PTPRE: variants seen among roughly 807,000 people sequenced by gnomAD.
PTPRE encodes the protein protein tyrosine phosphatase receptor type E.
PTPRE carries 51 observed loss-of-function variants against 102.0 expected under a neutral mutation model. The ratio of observed to expected loss-of-function variants is 0.50; its 90% CI spans 0.40 to 0.63. PTPRE has a LOEUF of 0.63. Among genes scored for constraint, PTPRE ranks in the 30% least tolerant of loss-of-function variants. The pLI is 0.00. For synonymous variants in PTPRE, 345 were observed against 348.2 expected, an observed-to-expected ratio of 0.99 and a Z score of 0.10; for missense variants, 752 against 915.1, an observed-to-expected ratio of 0.82 and a Z score of 2.30.
At chr10:127,960,820 A>G (rs771418932) in intron 1 of PTPRE, among the ~76,000 whole-genome samples, 18 of 152,068 alleles carry the variant, frequency 1.2e-4, no homozygotes, top group African/African-American at 2.4e-4. Context: ...TCAGGAGATC[A>G]AGACCATCCT....
intron 2 of PTPRE, among the ~76,000 whole-genome samples, chr10:128,034,790 G>T (rs1564907832): frequency 6.6e-6 from 1 of 152,124 alleles, no homozygotes; most frequent in Non-Finnish European, 1.5e-5. Context: ...CTAAAAAAAT[G>T]CAGGCAATTT....
At chr10:128,054,779 C>G (rs1848817123) in intron 6 of PTPRE, among the ~76,000 whole-genome samples, 1 of 152,088 alleles carries the variant, frequency 6.6e-6, no homozygotes. Context: ...CTGTGGGTGG[C>G]AGGTCAGGCT....
At chr10:128,032,413 T>C (rs1846839455) in intron 2 of PTPRE, among the ~76,000 whole-genome samples, 1 of 152,248 alleles carries the variant, frequency 6.6e-6, no homozygotes, top group African/African-American at 2.4e-5. Context: ...TCTGCTGTGC[T>C]CTCCTCATAG....
rs963643847 is a variant in PTPRE at position 128,069,615 on chromosome 10, G to A, written c.1008-77G>A. On this transcript the variant is annotated intron_variant, in intron 12 of 20. Coordinates refer to ENST00000254667, the MANE Select transcript of PTPRE (RefSeq NM_006504.6). ...AAGTTGCATCCAGTGACCTGGGTGC[G>A]CAGGCCCCTTCGGGGCCTTTCATTT... is the stretch of plus-strand genomic sequence containing the variant. The A allele has an allele frequency of 5.1e-5, 79 of 1,557,102 alleles. No homozygotes were observed. The African/African-American group carries it at 6.9e-4, about 14-fold the overall frequency.
At chr10:127,961,593 C>G (rs531842871) in intron 1 of PTPRE, among the ~76,000 whole-genome samples, 1 of 152,266 alleles carries the variant, frequency 6.6e-6, no homozygotes, top group South Asian at 2.1e-4. Context: ...AGGGTGGGCC[C>G]CGCCTTAGAC....
In PTPRE at chr10:128,083,477, AAC is replaced by A. The variant is rs2136102122; in HGVS notation, c.*576_*577del. The A allele has an allele frequency of 6.6e-6, 1 of 152,506 alleles. No homozygotes were observed. The highest frequency in any genetic ancestry group is 2.1e-4 in the South Asian group (1 of 4,836). The allele number at this position is 152,506 out of a possible 1,614,324, so 9.4% of individuals were successfully genotyped here. The stretch of plus-strand genomic sequence containing the variant: ...CTTTACAACCTGAATCCAGGTCTAA[AAC>A]ACACTAGAGTAGCTGGTGACTATAA... On this transcript the variant is annotated 3_prime_UTR_variant, in exon 21 of 21. Coordinates refer to ENST00000254667, the MANE Select transcript of PTPRE (RefSeq NM_006504.6).
intron 1 of PTPRE, among the ~76,000 whole-genome samples, chr10:127,979,384 G>A (rs1192960223): frequency 6.6e-6 from 1 of 152,220 alleles, no homozygotes; most frequent in Non-Finnish European, 1.5e-5. Flanking sequence ...CCTAATGGAA[G>A]TCTTCACTTG....
At chr10:127,976,167 G>A (rs1015225593) in intron 1 of PTPRE, among the ~76,000 whole-genome samples, 1 of 152,184 alleles carries the variant, frequency 6.6e-6, no homozygotes, top group African/African-American at 2.4e-5. Flanking sequence ...GACAGTGACT[G>A]TCAGTATCTG....
intron 1 of PTPRE, among the ~76,000 whole-genome samples, chr10:127,946,462 G>A (rs1848628994): frequency 8.4e-6 from 1 of 118,788 alleles, no homozygotes; most frequent in South Asian, 3.0e-4. Flanking sequence ...AACAGGGAAA[G>A]ATTGAAAAGA....
At chr10:127,948,958 G>A (rs1848822372) in intron 1 of PTPRE, among the ~76,000 whole-genome samples, 1 of 152,246 alleles carries the variant, frequency 6.6e-6, no homozygotes, top group South Asian at 2.1e-4. Context: ...AAACAGGAAA[G>A]GTGACTGTGT....
intron 2 of PTPRE, chr10:127,999,665 T>A: frequency 1.0e-6 from 1 of 983,312 alleles, no homozygotes; most frequent in Non-Finnish European, 1.2e-6. Flanking sequence ...TTCACTCTGC[T>A]GCTGTGAATT....
At chr10:128,041,054 G>A (rs2135800131) in intron 3 of PTPRE, 64 bp downstream of exon 3, 1 of 1,414,578 alleles carries the variant, frequency 7.1e-7, no homozygotes. Flanking sequence ...GGACCATTCA[G>A]AGGGTGATAA....
rs115648133 is a variant in PTPRE at position 128,055,626 on chromosome 10, T to A, written c.421-497T>A. Among the ~76,000 whole-genome samples the A allele has an allele frequency of 9.8e-3, 1,489 of 152,198 alleles. 30 individuals carry two copies. Among genetic ancestry groups the A allele is most frequent in the African/African-American group, 0.034 (1,400 of 41,498 alleles). On this transcript the variant is annotated intron_variant, in intron 6 of 20. Transcript: ENST00000254667. Reference sequence around the variant, plus strand: ...AGTCTTAAGCAAGATCAGGACTGTATCTAAGGCTGTTTCCCGCCCCTTGCC... The same window carrying A: ...AGTCTTAAGCAAGATCAGGACTGTAACTAAGGCTGTTTCCCGCCCCTTGCC...
At chr10:127,957,576 C>T (rs1025938689) in intron 1 of PTPRE, among the ~76,000 whole-genome samples, 2 of 152,172 alleles carry the variant, frequency 1.3e-5, no homozygotes, top group Non-Finnish European at 2.9e-5. Context: ...CATTCTGTTC[C>T]AATGATGTTG....
intron 2 of PTPRE, among the ~76,000 whole-genome samples, chr10:127,996,265 G>T (rs1853253997): frequency 1.3e-5 from 2 of 152,234 alleles, no homozygotes; most frequent in Non-Finnish European, 2.9e-5. Flanking sequence ...AAGGGCTAAA[G>T]ATGCCCATTC....
At chr10:128,056,557 AGG>A (rs1361483439) in intron 7 of PTPRE, among the ~76,000 whole-genome samples, 2 of 152,156 alleles carry the variant, frequency 1.3e-5, no homozygotes, top group African/African-American at 4.8e-5. Context: ...CACCCAGTCT[AGG>A]CCTGCCAGTG....
intron 2 of PTPRE, among the ~76,000 whole-genome samples, chr10:128,013,161 T>C (rs1358765870): frequency 6.6e-6 from 1 of 152,162 alleles, no homozygotes; most frequent in Non-Finnish European, 1.5e-5. Context: ...TTGACTGTAG[T>C]TTACCAACAG....
At position 127,969,003 on chromosome 10, in the gene PTPRE, T is replaced by G. The variant is rs113904958; in HGVS notation, c.-30-13271T>G. 2.2e-3 allele frequency among the ~76,000 whole-genome samples: 331 copies of G among 152,366 alleles called. 3 individuals carry two copies. Among genetic ancestry groups the G allele is most frequent in the African/African-American group, 7.6e-3 (317 of 41,582 alleles). On this transcript the variant is annotated intron_variant, in intron 1 of 20. Transcript: ENST00000254667. ...CTGGTGTTACATTCTAAGACAACTTTATTTTGCAAGCCTAAATGATTCAGT... is the reference window on the plus strand; with the variant it reads ...CTGGTGTTACATTCTAAGACAACTTGATTTTGCAAGCCTAAATGATTCAGT...
At chr10:127,948,483 C>A (rs886406888) in intron 1 of PTPRE, among the ~76,000 whole-genome samples, 12 of 152,148 alleles carry the variant, frequency 7.9e-5, no homozygotes, top group African/African-American at 2.9e-4. Context: ...GGTTTTACTG[C>A]CCTAAGCATC....
Sources: allele counts gnomAD v4.1 joint callset (sites outside exome capture counted in the v4.1 genomes callset), GRCh38; gene constraint gnomAD v4.1.1; transcripts MANE v1.5; gene names NCBI Gene and HGNC (gene_info 2026-07-23, HGNC 2026-07-21).